ZNF667: variants seen among roughly 807,000 people sequenced by gnomAD.
ZNF667 encodes the protein zinc finger protein 667.
ZNF667 carries 13 observed loss-of-function variants against 31.8 expected under a neutral mutation model. The ratio of observed to expected loss-of-function variants is 0.41; its 90% CI spans 0.27 to 0.65. The LOEUF (loss-of-function observed/expected upper bound fraction) is 0.65. ZNF667 is among the 30% of genes least tolerant of loss of function. The pLI, the probability that ZNF667 is intolerant of heterozygous loss-of-function variation, is 0.32. For missense variants in ZNF667, 642 were observed against 725.6 expected, an observed-to-expected ratio of 0.88 and a Z score of 1.32; for synonymous variants, 228 against 247.1, an observed-to-expected ratio of 0.92 and a Z score of 0.73.
At chr19:56,464,608 T>C (rs926509210) in intron 3 of ZNF667, among the ~76,000 whole-genome samples, 1 of 152,230 alleles carries the variant, frequency 6.6e-6, no homozygotes, top group African/African-American at 2.4e-5. Flanking sequence ...TATGTTTCTG[T>C]GGGGCAGTGC....
At position 56,441,587 on chromosome 19, in the gene ZNF667, G is replaced by T; in HGVS notation, c.1408C>A (p.Pro470Thr). 6.2e-7 allele frequency: 1 copy of T among 1,614,128 alleles called. No individual in the cohort carries two copies. Among genetic ancestry groups the T allele is most frequent in the Non-Finnish European group, 8.5e-7 (1 of 1,180,028 alleles). The change falls in exon 7 of 7, where the codon CCC becomes ACC. Residue 470 changes from proline (P) to threonine (T), a missense_variant. Coordinates refer to ENST00000504904, the MANE Select transcript of ZNF667 (RefSeq NM_001321356.2). This position sits in a 1 kb window ranked among gnomAD's most constrained non-coding sequence, Gnocchi z 4.2. ...EHQRIHTGEK[P>T]YQCEECGKAF... Reference sequence around the variant, plus strand: ...TTTCCACATTCCTCACACTGGTAGGGTTTTTCTCCAGTATGAATTCTTTGA... The same window carrying T: ...TTTCCACATTCCTCACACTGGTAGGTTTTTTCTCCAGTATGAATTCTTTGA...
intron 6 of ZNF667, among the ~76,000 whole-genome samples, chr19:56,456,651 T>C (rs1383417150): frequency 6.6e-6 from 1 of 152,132 alleles, no homozygotes; most frequent in Non-Finnish European, 1.5e-5. Flanking sequence ...CTGATGTTAA[T>C]AATAATAAAT....
rs747171814 is a variant in ZNF667 at position 56,441,821 on chromosome 19, C to G, written c.1174G>C (p.Glu392Gln). 3.1e-6 allele frequency: 5 copies of G among 1,613,916 alleles called. No individual in the cohort carries two copies. The highest frequency in any genetic ancestry group is 4.2e-6 in the Non-Finnish European group (5 of 1,180,016). ...GATGAATGCCGATTGCAGACCTTCT[C>G]ACATTTATTGCATCTGTATAGTTTT... ...GEKLYRCNKC[E>Q]KVCNRHSSLI... The change falls in exon 7 of 7, where the codon GAG becomes CAG. Residue 392 changes from glutamate to glutamine, a missense_variant. Glu to Gln is a conservative substitution (Grantham distance 29). Transcript: ENST00000504904. The surrounding 1 kb of genome is among the most constrained non-coding windows in gnomAD (Gnocchi z 4.2).
chr19:56,468,221 C>CACAATATGCCCAAAAG (rs1419017144), intron 3 of ZNF667: 3 of 152,254 alleles, frequency 2.0e-5, no homozygotes, highest in Admixed American at 2.0e-4. Flanking sequence ...GTACCTCCCT[C>CACAATATGCCCAAAAG]ACAATATGCC....
Position 56,461,307 on chromosome 19 carries a change from T to C in ZNF667, c.34-492A>G, listed in dbSNP as rs117453187. On this transcript the variant is annotated intron_variant, in intron 4 of 6. Coordinates refer to ENST00000504904, the MANE Select transcript of ZNF667 (RefSeq NM_001321356.2). ...CTCTCCAAGAAACATGTGAATATGTTACACATGACAAAAGGTTCTTTGAGG... is the reference window on the plus strand; with the variant it reads ...CTCTCCAAGAAACATGTGAATATGTCACACATGACAAAAGGTTCTTTGAGG... 8.4e-3 allele frequency among the ~76,000 whole-genome samples: 1,284 copies of C among 152,316 alleles called. 8 individuals are homozygous for C. The highest frequency in any genetic ancestry group is 0.014 in the Middle Eastern group (4 of 294).
At chr19:56,470,529 G>A (rs2043269781) in intron 3 of ZNF667, among the ~76,000 whole-genome samples, 1 of 152,152 alleles carries the variant, frequency 6.6e-6, no homozygotes, top group Non-Finnish European at 1.5e-5. Flanking sequence ...TTTAACTGAT[G>A]GAGCCTGGAT....
At position 56,442,531 on chromosome 19, in the gene ZNF667, C is replaced by T. The variant is rs757990100; in HGVS notation, c.464G>A (p.Arg155Gln). The T allele has an allele frequency of 7.4e-6, 12 of 1,613,634 alleles. No individual in the cohort carries two copies. The highest frequency in any genetic ancestry group is 3.3e-5 in the Admixed American group (2 of 59,932). Residue 155 changes from arginine to glutamine, a missense_variant, in exon 7 of 7, where the codon CGA becomes CAA. Arg to Gln is a conservative substitution (Grantham distance 43). Transcript: ENST00000504904. Reference protein sequence around the residue: ...KCNDCGKTFSRSFSLKLHQNI... With the variant: ...KCNDCGKTFSQSFSLKLHQNI... ...CTGATGAAGTTTAAGAGAGAAGCTT[C>T]GACTAAAGGTTTTACCACAGTCATT...
At chr19:56,476,120 G>A (rs1391072100) in intron 1 of ZNF667, among the ~76,000 whole-genome samples, 1 of 152,162 alleles carries the variant, frequency 6.6e-6, no homozygotes, top group African/African-American at 2.4e-5. Context: ...GTGAACCGAG[G>A]AGTGGTGGAC....
intron 3 of ZNF667, among the ~76,000 whole-genome samples, chr19:56,463,606 C>T (rs1318236045): frequency 1.3e-5 from 2 of 152,072 alleles, no homozygotes. Context: ...TGGCTCACTG[C>T]AACCTCAACC....
At chr19:56,451,254 T>C (rs2042815796) in intron 6 of ZNF667, among the ~76,000 whole-genome samples, 1 of 150,930 alleles carries the variant, frequency 6.6e-6, no homozygotes, top group Non-Finnish European at 1.5e-5. Context: ...GCTAAAAGGA[T>C]CAATTCAGCA....
intron 5 of ZNF667, 123 bp from the exon 6 acceptor site, chr19:56,458,370 G>A: frequency 1.3e-6 from 1 of 755,350 alleles, no homozygotes; most frequent in Non-Finnish European, 2.3e-6. Flanking sequence ...GATGTGAAGG[G>A]CAGCTGGAGA....
chr19:56,443,818 A>G (rs1337359666), intron 6 of ZNF667, among the ~76,000 whole-genome samples: 1 of 152,246 alleles, frequency 6.6e-6, no homozygotes, highest in African/African-American at 2.4e-5. Flanking sequence ...TGGCTGGCAT[A>G]GGGTGCCAAA....
intron 3 of ZNF667, among the ~76,000 whole-genome samples, chr19:56,466,054 T>C (rs986484028): frequency 7.2e-5 from 11 of 152,226 alleles, no homozygotes; most frequent in African/African-American, 2.7e-4. Flanking sequence ...CTAATGGGCA[T>C]GCTGTGTAGA....
chr19:56,469,968 A>G (rs1418759902), intron 3 of ZNF667: 1 of 485,466 alleles, frequency 2.1e-6, no homozygotes, highest in African/African-American at 1.9e-5. Context: ...ACTTCTTCAC[A>G]GCGGAAACAC....
At chr19:56,467,238 T>C (rs904473286) in intron 3 of ZNF667, among the ~76,000 whole-genome samples, 1 of 152,044 alleles carries the variant, frequency 6.6e-6, no homozygotes, top group Non-Finnish European at 1.5e-5. Flanking sequence ...GTGACTGTGG[T>C]AGACCAGAGT....
At position 56,472,046 on chromosome 19, in the gene ZNF667, G is replaced by A. The variant is rs1215121020; in HGVS notation, c.-407C>T. 1 of 152,276 alleles carries A rather than the reference G, an allele frequency of 6.6e-6. No individual in the cohort carries two copies. The highest frequency in any genetic ancestry group is 2.4e-5 in the African/African-American group (1 of 41,448). The allele number at this position is 152,276 out of a possible 1,614,324, so 9.4% of individuals were successfully genotyped here. ...TCTCATTCTCCCTGTGGCCATGTAA[G>A]ACGTGTCTTTCACCTTCCATCACGA... is the stretch of plus-strand genomic sequence containing the variant. On this transcript the variant is annotated 5_prime_UTR_variant, in exon 3 of 7. Coordinates refer to ENST00000504904, the MANE Select transcript of ZNF667 (RefSeq NM_001321356.2).
Position 56,458,256 on chromosome 19 carries a change from G to A in ZNF667, c.161-9C>T. Reference sequence around the variant, plus strand: ...TCTCCGAAAGGAAAGACCTGTACGTGGGACAAACATGGGAAATGATCATAA... The same window carrying A: ...TCTCCGAAAGGAAAGACCTGTACGTAGGACAAACATGGGAAATGATCATAA... On this transcript the variant is annotated splice_polypyrimidine_tract_variant and intron_variant, in intron 5 of 6. Transcript: ENST00000504904. 5.0e-6 allele frequency: 8 copies of A among 1,612,658 alleles called. No homozygotes were observed. The highest frequency in any genetic ancestry group is 6.8e-6 in the Non-Finnish European group (8 of 1,178,856).
chr19:56,470,275 G>A (rs998679345), intron 3 of ZNF667, among the ~76,000 whole-genome samples: 2 of 152,174 alleles, frequency 1.3e-5, no homozygotes, highest in East Asian at 1.9e-4. Flanking sequence ...GGAAAAGGTC[G>A]CATTGACCGT....
intron 3 of ZNF667, among the ~76,000 whole-genome samples, chr19:56,465,587 T>C (rs767557201): frequency 1.3e-5 from 2 of 152,250 alleles, no homozygotes; most frequent in African/African-American, 2.4e-5. Context: ...GTTTTCCAGA[T>C]GGGAAGGTGG....
Sources: gnomAD v4.1 joint callset for allele counts (sites outside exome capture counted in the v4.1 genomes callset) on GRCh38, gnomAD v4.1.1 for gene constraint, Gnocchi (gnomAD v3.1) non-coding constraint, MANE v1.5 for transcripts, NCBI Gene and HGNC (gene_info 2026-07-23, HGNC 2026-07-21) for gene names.